The following ATP8A2 variants were observed in gnomAD, a reference collection of about 807,000 sequenced individuals.
The protein encoded by ATP8A2 is phospholipid-transporting ATPase IB.
Under a neutral mutation model 165.6 loss-of-function variants are expected in ATP8A2, and 100 were observed. The ratio of observed to expected loss-of-function variants is 0.60; its 90% CI spans 0.51 to 0.71. The LOEUF (loss-of-function observed/expected upper bound fraction) is 0.71. Among genes scored for constraint, ATP8A2 ranks in the 30% least tolerant of loss-of-function variants. The probability of loss-of-function intolerance (pLI) is 0.00; values close to 1 mark genes in which losing one functional copy is unlikely to be tolerated. For synonymous variants in ATP8A2, 543 were observed against 548.8 expected (o/e 0.99, Z 0.15); for missense variants, 1,227 against 1,479.5 (o/e 0.83, Z 2.80).
chr13:25,831,546 T>C (rs1486952031), intron 28 of ATP8A2, among the ~76,000 whole-genome samples: 1 of 152,100 alleles, frequency 6.6e-6, no homozygotes, highest in Non-Finnish European at 1.5e-5. Context: ...GTTAATAGCA[T>C]TAAAACAGAC....
At chr13:25,431,502 C>CGG (rs59058897) in intron 1 of ATP8A2, among the ~76,000 whole-genome samples, 3,353 of 151,382 alleles carry the variant, frequency 0.022, 59 homozygotes, top group South Asian at 0.084. Flanking sequence ...ACTTCGGCGG[C>CGG]GGGGGGGGAA....
chr13:25,906,141 T>C (rs181232609), intron 33 of ATP8A2, among the ~76,000 whole-genome samples: 7 of 152,324 alleles, frequency 4.6e-5, no homozygotes, highest in African/African-American at 7.2e-5. Flanking sequence ...TTCTATCTTT[T>C]TGTCATTCAT....
intron 30 of ATP8A2, among the ~76,000 whole-genome samples, chr13:25,846,223 C>T (rs984000103): frequency 6.6e-6 from 1 of 152,134 alleles, no homozygotes; most frequent in Non-Finnish European, 1.5e-5. Flanking sequence ...CTATGCCAGG[C>T]TCCTCCTGTG....
At chr13:25,829,692 A>ATATG (rs1176907071) in intron 28 of ATP8A2, among the ~76,000 whole-genome samples, 22 of 57,494 alleles carry the variant, frequency 3.8e-4, no homozygotes, top group South Asian at 2.7e-3. Context: ...ATATATATAT[A>ATATG]TATATATATA....
In ATP8A2 at chr13:25,607,973, A is replaced by G. The variant is rs115157043; in HGVS notation, c.2211+18274A>G. On this transcript the variant is annotated intron_variant, in intron 24 of 36. Coordinates refer to ENST00000381655, the MANE Select transcript of ATP8A2 (RefSeq NM_016529.6). ...TTTAAAAATAGTGAGTTTTCCTCTT[A>G]ATAGATGATAGTAAAATAAGAAGCA... Among the ~76,000 whole-genome samples the G allele has an allele frequency of 5.3e-3, 802 of 152,312 alleles. 9 individuals are homozygous for G. The highest frequency in any genetic ancestry group is 0.02 in the South Asian group (97 of 4,828).
chr13:25,957,445 G>A (rs1182237313), intron 33 of ATP8A2, among the ~76,000 whole-genome samples: 1 of 152,182 alleles, frequency 6.6e-6, no homozygotes, highest in East Asian at 1.9e-4. Context: ...TCAAAAAGTG[G>A]CTGAAGGATA....
chr13:25,597,089 T>TA (rs1041951412), intron 24 of ATP8A2, among the ~76,000 whole-genome samples: 5 of 152,194 alleles, frequency 3.3e-5, no homozygotes, highest in African/African-American at 9.7e-5. Flanking sequence ...TTTGCCCATT[T>TA]AAAAAAACAT....
At chr13:25,715,035 G>A (rs1460198752) in intron 25 of ATP8A2, among the ~76,000 whole-genome samples, 3 of 152,156 alleles carry the variant, frequency 2.0e-5, no homozygotes, top group African/African-American at 7.2e-5. Context: ...ATATACCTTA[G>A]TATTTGCTTT....
chr13:25,903,586 T>C (rs1953835835), intron 33 of ATP8A2, among the ~76,000 whole-genome samples: 1 of 152,234 alleles, frequency 6.6e-6, no homozygotes, highest in Non-Finnish European at 1.5e-5. Flanking sequence ...CACTGTTGAT[T>C]ATCCCTGCCA....
In ATP8A2 at chr13:25,595,949, G is replaced by A. The variant is rs74954532; in HGVS notation, c.2211+6250G>A. Among the ~76,000 whole-genome samples, 359 of 149,434 alleles carry A rather than the reference G, an allele frequency of 2.4e-3. 3 individuals carry two copies. Among genetic ancestry groups the A allele is most frequent in the Non-Finnish European group, 4.1e-3 (271 of 65,892 alleles). On this transcript the variant is annotated intron_variant, in intron 24 of 36. Transcript: ENST00000381655. ...TAAGGTCCCACTCTTTCCCATCAGC[G>A]CCCTAACTTTCATGAAAGAGACCTG... is the stretch of plus-strand genomic sequence containing the variant.
At chr13:25,754,641 C>T (rs1484792340) in intron 25 of ATP8A2, among the ~76,000 whole-genome samples, 2 of 152,002 alleles carry the variant, frequency 1.3e-5, no homozygotes, top group Non-Finnish European at 2.9e-5. Context: ...GGTGTTAGCT[C>T]ATTTTAAAAA....
At chr13:25,649,600 T>G (rs1178540747) in intron 24 of ATP8A2, among the ~76,000 whole-genome samples, 1 of 152,214 alleles carries the variant, frequency 6.6e-6, no homozygotes, top group Non-Finnish European at 1.5e-5. Flanking sequence ...TGAAGTTTGC[T>G]GCATTGGTTG....
At chr13:25,826,606 T>G (rs1332043225) in intron 27 of ATP8A2, among the ~76,000 whole-genome samples, 1 of 152,234 alleles carries the variant, frequency 6.6e-6, no homozygotes, top group Admixed American at 6.5e-5. Context: ...ACTCTGGTTG[T>G]CATGGTGTCT....
intron 35 of ATP8A2, among the ~76,000 whole-genome samples, chr13:26,009,005 G>A (rs1408630250): frequency 6.6e-6 from 1 of 151,944 alleles, no homozygotes; most frequent in African/African-American, 2.4e-5. Context: ...AAATATAATT[G>A]GATATTAATT....
intron 1 of ATP8A2, among the ~76,000 whole-genome samples, chr13:25,410,810 A>G (rs1333651003): frequency 6.6e-6 from 1 of 152,222 alleles, no homozygotes; most frequent in East Asian, 1.9e-4. Context: ...CTGAGCCAAC[A>G]TCATCCCTGG....
intron 1 of ATP8A2, among the ~76,000 whole-genome samples, chr13:25,442,196 A>G (rs1234259063): frequency 1.3e-5 from 2 of 152,202 alleles, no homozygotes; most frequent in Non-Finnish European, 2.9e-5. Flanking sequence ...TAGTGCTGCT[A>G]TAAACATGGG....
At chr13:25,500,273 C>G (rs1379725761) in intron 2 of ATP8A2, among the ~76,000 whole-genome samples, 3 of 152,070 alleles carry the variant, frequency 2.0e-5, no homozygotes, top group Admixed American at 1.3e-4. Flanking sequence ...CTTGTTTGCC[C>G]TAGAGAATTC....
chr13:25,828,949 T>C (rs1431033446), intron 28 of ATP8A2, among the ~76,000 whole-genome samples: 3 of 152,190 alleles, frequency 2.0e-5, no homozygotes, highest in Non-Finnish European at 2.9e-5. Context: ...ATCCTAACTC[T>C]GCTCCGTGGG....
chr13:25,532,349 T>G, intron 5 of ATP8A2, 32 bp downstream of exon 5: 1 of 1,561,152 alleles, frequency 6.4e-7, no homozygotes, highest in Non-Finnish European at 8.8e-7. Context: ...CTTTTTCCAC[T>G]GGAAAACTTA....
Sources: allele counts gnomAD v4.1 joint callset (sites outside exome capture counted in the v4.1 genomes callset), GRCh38; gene constraint gnomAD v4.1.1; transcripts MANE v1.5; gene names NCBI Gene and HGNC (gene_info 2026-07-23, HGNC 2026-07-21).